The following EPHA6 variants were observed in gnomAD, a reference collection of about 807,000 sequenced individuals.
EPHA6 encodes the protein EPH receptor A6, also known as ephrin type-A receptor 6.
In EPHA6, 50 loss-of-function variants were observed where a neutral mutation model predicts 112.0. The ratio of observed to expected loss-of-function variants is 0.45; its 90% CI spans 0.36 to 0.56. The LOEUF (loss-of-function observed/expected upper bound fraction) is 0.56, where lower values mean the gene tolerates loss of function less well. Among genes scored for constraint, EPHA6 ranks in the 20% least tolerant of loss-of-function variants. The pLI, the probability that EPHA6 is intolerant of heterozygous loss-of-function variation, is 0.00. For missense variants in EPHA6, 1,280 were observed against 1,417.4 expected (o/e 0.90, Z 1.56); for synonymous variants, 529 against 490.7 (o/e 1.08, Z -1.03).
chr3:97,117,060 T>G (rs531067814), intron 3 of EPHA6, among the ~76,000 whole-genome samples: 3 of 151,816 alleles, frequency 2.0e-5, no homozygotes, highest in South Asian at 4.1e-4. Context: ...TAGTTTTAAT[T>G]GTTTTTTCCT....
intron 6 of EPHA6, among the ~76,000 whole-genome samples, chr3:97,440,906 A>T (rs965186526): frequency 2.0e-5 from 3 of 151,872 alleles, no homozygotes; most frequent in Non-Finnish European, 4.4e-5. Flanking sequence ...AATATATATC[A>T]ATAAATATAA....
At chr3:97,402,441 T>C (rs1416390191) in intron 5 of EPHA6, among the ~76,000 whole-genome samples, 1 of 152,138 alleles carries the variant, frequency 6.6e-6, no homozygotes, top group Non-Finnish European at 1.5e-5. Flanking sequence ...TTTTACCTGA[T>C]ACAAGTATAG....
At chr3:97,698,725 G>T (rs1386761453) in intron 14 of EPHA6, among the ~76,000 whole-genome samples, 1 of 152,164 alleles carries the variant, frequency 6.6e-6, no homozygotes, top group Non-Finnish European at 1.5e-5. Flanking sequence ...TCGGGCATGT[G>T]GCCCTCGACA....
chr3:97,092,860 A>C (rs2047116897), intron 3 of EPHA6, among the ~76,000 whole-genome samples: 1 of 150,920 alleles, frequency 6.6e-6, no homozygotes, highest in Admixed American at 6.6e-5. Flanking sequence ...CAAAAAAAAA[A>C]GAAAAATCCC....
rs182012340 is a variant in EPHA6 at position 97,001,471 on chromosome 3, C to G, written c.1114+13478C>G. ...CTGGTGTTCTCAGTTATTCATGTGG[C>G]CTTTTTAGGAAATAATACTTTTTGT... On this transcript the variant is annotated intron_variant, in intron 3 of 17. Coordinates refer to ENST00000389672, the MANE Select transcript of EPHA6 (RefSeq NM_001080448.3). Among the ~76,000 whole-genome samples, 853 of 151,906 alleles carry G rather than the reference C, an allele frequency of 5.6e-3. 7 individuals are homozygous for G. Among genetic ancestry groups the G allele is most frequent in the African/African-American group, 0.02 (829 of 41,484 alleles).
chr3:97,557,803 G>A lies in EPHA6; in HGVS notation c.2386+25260G>A, dbSNP rs145657715. On this transcript the variant is annotated intron_variant, in intron 11 of 17. Transcript: ENST00000389672. ...TGATTTTAAGATAGCTTGTGCATAT[G>A]TTTTAAAATGAGCATTGAGTTTTAA... Among the ~76,000 whole-genome samples, 1,186 of 151,182 alleles carry A rather than the reference G, an allele frequency of 7.8e-3. 6 individuals are homozygous for A. The highest frequency in any genetic ancestry group is 0.026 in the African/African-American group (1,046 of 40,770).
intron 7 of EPHA6, chr3:97,466,223 C>A (rs2107415643): frequency 2.3e-6 from 2 of 851,652 alleles, no homozygotes; most frequent in Non-Finnish European, 2.0e-6. Context: ...GGCAAACAGA[C>A]TTGGGAGGCT....
intron 3 of EPHA6, among the ~76,000 whole-genome samples, chr3:97,161,093 T>C (rs1490286065): frequency 6.6e-6 from 1 of 152,122 alleles, no homozygotes; most frequent in Admixed American, 6.6e-5. Context: ...ACTACTTCCA[T>C]TTGATGATGG....
rs2043852293 is a variant in EPHA6 at position 97,005,708 on chromosome 3, A to C, written c.1114+17715A>C. ...TTGTCTTGTGCCAGTTTTCAAAGGG[A>C]ATGCTTCCAGCTTTTGCCCATTCAA... On this transcript the variant is annotated intron_variant, in intron 3 of 17. Coordinates refer to ENST00000389672, the MANE Select transcript of EPHA6 (RefSeq NM_001080448.3). 2.0e-5 allele frequency among the ~76,000 whole-genome samples: 3 copies of C among 152,146 alleles called. No homozygotes were observed. In the South Asian group the frequency reaches 6.2e-4, roughly 31 times the overall value.
intron 14 of EPHA6, among the ~76,000 whole-genome samples, chr3:97,680,737 A>G (rs2031796970): frequency 1.3e-5 from 2 of 152,212 alleles, no homozygotes; most frequent in African/African-American, 4.8e-5. Context: ...AACATTTTTT[A>G]AATAAATGAA....
At chr3:96,968,847 G>T (rs2042220244) in intron 2 of EPHA6, among the ~76,000 whole-genome samples, 1 of 151,774 alleles carries the variant, frequency 6.6e-6, no homozygotes, top group Non-Finnish European at 1.5e-5. Context: ...CTTAAGAAAA[G>T]ATTAATGAAA....
chr3:97,311,480 GCT>G (rs1372496779), intron 5 of EPHA6, among the ~76,000 whole-genome samples: 2 of 141,252 alleles, frequency 1.4e-5, no homozygotes, highest in East Asian at 4.1e-4. Context: ...ACACACGTTT[GCT>G]CTGGGTCAAT....
At chr3:96,873,228 C>A (rs1235821706) in intron 2 of EPHA6, among the ~76,000 whole-genome samples, 1 of 151,392 alleles carries the variant, frequency 6.6e-6, no homozygotes, top group Non-Finnish European at 1.5e-5. Context: ...CATGCCCCTG[C>A]AGTTCAGCCT....
intron 3 of EPHA6, among the ~76,000 whole-genome samples, chr3:97,160,772 G>T (rs1334038811): frequency 6.6e-6 from 1 of 152,108 alleles, no homozygotes; most frequent in Non-Finnish European, 1.5e-5. Context: ...TGAATAATCA[G>T]GTTCACTGCC....
chr3:97,562,329 A>G (rs1021126480), intron 11 of EPHA6, among the ~76,000 whole-genome samples: 2 of 152,136 alleles, frequency 1.3e-5, no homozygotes, highest in Non-Finnish European at 2.9e-5. Context: ...TCTGTATTTC[A>G]TGGGAGGAGG....
At chr3:96,899,370 C>T (rs2038476440) in intron 2 of EPHA6, among the ~76,000 whole-genome samples, 1 of 152,086 alleles carries the variant, frequency 6.6e-6, no homozygotes, top group Non-Finnish European at 1.5e-5. Flanking sequence ...TATGCAAAGA[C>T]TTTATTTCAA....
chr3:97,545,567 G>A (rs1348319077), intron 11 of EPHA6, among the ~76,000 whole-genome samples: 1 of 152,182 alleles, frequency 6.6e-6, no homozygotes, highest in Non-Finnish European at 1.5e-5. Context: ...GAGTTCTGTA[G>A]ATGTCTATTA....
chr3:97,466,376 C>T, intron 7 of EPHA6: 2 of 1,608,510 alleles, frequency 1.2e-6, no homozygotes, highest in East Asian at 2.2e-5. Context: ...TCAGCATTTA[C>T]ATCCAGTCTA....
intron 3 of EPHA6, among the ~76,000 whole-genome samples, chr3:97,115,282 G>A (rs2047851872): frequency 6.6e-6 from 1 of 151,674 alleles, no homozygotes; most frequent in Non-Finnish European, 1.5e-5. Context: ...CTAAATGGGA[G>A]GGAATATAAA....
Sources: allele counts gnomAD v4.1 joint callset (sites outside exome capture counted in the v4.1 genomes callset), GRCh38; gene constraint gnomAD v4.1.1; transcripts MANE v1.5; gene names NCBI Gene and HGNC (gene_info 2026-07-23, HGNC 2026-07-21).